The following MYO5C variants were observed in gnomAD, a reference collection of about 807,000 sequenced individuals.
MYO5C encodes the protein unconventional myosin-Vc.
In MYO5C, 194 loss-of-function variants were observed where a neutral mutation model predicts 235.7. The ratio of observed to expected loss-of-function variants is 0.82; its 90% confidence interval spans 0.73 to 0.93. The LOEUF (loss-of-function observed/expected upper bound fraction) is 0.93, where lower values mean the gene tolerates loss of function less well. Ranked by LOEUF, MYO5C falls within the 40% of genes least tolerant of loss-of-function variation. The pLI, the probability that MYO5C is intolerant of heterozygous loss-of-function variation, is 0.00. For missense variants in MYO5C, 2,038 were observed against 2,127.2 expected (o/e 0.96, Z 0.82); for synonymous variants, 707 against 754.8 (o/e 0.94, Z 1.04).
intron 5 of MYO5C, among the ~76,000 whole-genome samples, chr15:52,273,711 T>C (rs2036976228): frequency 6.6e-6 from 1 of 152,206 alleles, no homozygotes; most frequent in Non-Finnish European, 1.5e-5. Flanking sequence ...AATAAATTTC[T>C]GTTGTTTATA....
At position 52,195,962 on chromosome 15, in the gene MYO5C, C is replaced by CTTTTTTTTTTTT. The variant is rs71130140; in HGVS notation, c.4995+335_4995+346dup. 4.1e-4 allele frequency among the ~76,000 whole-genome samples: 33 copies of CTTTTTTTTTTTT among 80,980 alleles called. 4 individuals carry two copies. Among genetic ancestry groups the CTTTTTTTTTTTT allele is most frequent in the East Asian group, 2.7e-3 (4 of 1,488 alleles). 53.1% of individuals were successfully genotyped at this position (80,980 alleles called of 152,430 possible). Reference sequence around the variant, plus strand: ...CAAAGGTGTGTGCCATCACACCCAGCTTTTTTTTTTTTTTTTTTTTTTTTT... The same window carrying CTTTTTTTTTTTT: ...CAAAGGTGTGTGCCATCACACCCAGCTTTTTTTTTTTTTTTTTTTTTTTTTTTTTTTTTTTTT... On this transcript the variant is annotated intron_variant, in intron 39 of 40. Coordinates refer to ENST00000261839, the MANE Select transcript of MYO5C (RefSeq NM_018728.4).
intron 1 of MYO5C, among the ~76,000 whole-genome samples, chr15:52,289,516 C>A (rs1182784153): frequency 6.6e-6 from 1 of 152,202 alleles, no homozygotes; most frequent in Non-Finnish European, 1.5e-5. Flanking sequence ...GCCCAACAGT[C>A]ACCAGGTGCT....
chr15:52,285,699 A>C (rs2037250127), intron 1 of MYO5C, among the ~76,000 whole-genome samples: 1 of 152,232 alleles, frequency 6.6e-6, no homozygotes. Context: ...TCCAGCTCCG[A>C]ACCACGAGTG....
At chr15:52,214,576 A>G (rs778120452) in intron 33 of MYO5C, 27 bp downstream of exon 33, 2 of 1,507,758 alleles carry the variant, frequency 1.3e-6, no homozygotes, top group Non-Finnish European at 1.8e-6. Context: ...AGCTCAAAAG[A>G]ATAAGAAAAC....
intron 8 of MYO5C, among the ~76,000 whole-genome samples, chr15:52,269,468 T>C (rs1444905070): frequency 6.9e-6 from 1 of 144,946 alleles, no homozygotes. Context: ...CTCGGCTCGA[T>C]GCAACCCTCT....
rs1164261275 is a variant in MYO5C at position 52,204,986 on chromosome 15, G to C, written c.4699C>G (p.Leu1567Val). 1.2e-6 allele frequency: 2 copies of C among 1,614,226 alleles called. No homozygotes were observed. The highest frequency in any genetic ancestry group is 1.7e-6 in the Non-Finnish European group (2 of 1,180,034). Reference protein sequence around the residue: ...YFYTTMCQNGLDPELVRQAVK... With the variant: ...YFYTTMCQNGVDPELVRQAVK... ...GCCTGCCTCACAAGCTCGGGGTCCA[G>C]GCCGTTCTGGCACATGGTGGTGTAA... The change falls in exon 38 of 41, where the codon CTG becomes GTG. Residue 1567 changes from leucine to valine, a missense_variant. Transcript: ENST00000261839.
chr15:52,282,976 T>A (rs2037192214), intron 1 of MYO5C, 84 bp from the exon 2 acceptor site: 2 of 850,486 alleles, frequency 2.4e-6, no homozygotes, highest in Middle Eastern at 2.2e-4. Flanking sequence ...AAGGTTTCTT[T>A]CTGTGCACTA....
At chr15:52,258,443 G>C (rs2036625596) in intron 10 of MYO5C, among the ~76,000 whole-genome samples, 1 of 152,180 alleles carries the variant, frequency 6.6e-6, no homozygotes, top group Non-Finnish European at 1.5e-5. Context: ...CCAACTCTGG[G>C]TCCAAAGAAC....
At chr15:52,232,548 A>T in intron 24 of MYO5C, 74 bp downstream of exon 24, 1 of 1,447,342 alleles carries the variant, frequency 6.9e-7, no homozygotes, top group Non-Finnish European at 9.7e-7. Context: ...TGCTATATGC[A>T]AACTGAGATG....
chr15:52,248,085 G>GTTTT (rs911653140), intron 14 of MYO5C, among the ~76,000 whole-genome samples: 6 of 152,130 alleles, frequency 3.9e-5, no homozygotes, highest in Non-Finnish European at 7.3e-5. Context: ...CTTCTGCTTT[G>GTTTT]TATCAGTTAT....
In MYO5C at chr15:52,229,186, C is replaced by G. The variant is rs62623565; in HGVS notation, c.3154G>C (p.Val1052Leu). ...QLQHLVEGEH[V>L]TSDGLKAEVA... ...TCCGCCTTCAAGCCATCAGAAGTGACGTGCTCCCCCTCCACCAGGTGTTGG... is the reference window on the plus strand; with the variant it reads ...TCCGCCTTCAAGCCATCAGAAGTGAGGTGCTCCCCCTCCACCAGGTGTTGG... The change falls in exon 25 of 41, where the codon GTC becomes CTC. Residue 1052 changes from valine to leucine, a missense_variant. Physicochemically the swap from Val to Leu is conservative, Grantham distance 32. Coordinates refer to ENST00000261839, the MANE Select transcript of MYO5C (RefSeq NM_018728.4). The G allele has an allele frequency of 1.1e-5, 17 of 1,614,104 alleles. No homozygotes were observed. Among genetic ancestry groups the G allele is most frequent in the Non-Finnish European group, 1.3e-5 (15 of 1,180,064 alleles).
intron 37 of MYO5C, 70 bp from the exon 38 acceptor site, chr15:52,205,217 G>T: frequency 6.5e-7 from 1 of 1,532,354 alleles, no homozygotes; most frequent in Non-Finnish European, 8.9e-7. Context: ...ACGCTCTTCG[G>T]TTTGTTTCAG....
In MYO5C at chr15:52,245,463, C is replaced by G. The variant is rs765734021; in HGVS notation, c.2069G>C (p.Trp690Ser). ...RISAQSYPSR[W>S]TYIEFYSRYG... ...GCGACTGTAGAACTCGATGTATGTC[C>G]ACCTGGAAAATCAAAGGGGATCAAA... is the stretch of plus-strand genomic sequence containing the variant. Residue 690 changes from tryptophan (W) to serine (S), a missense_variant and splice_region_variant, in exon 18 of 41, where the codon TGG becomes TCG. Physicochemically the swap from Trp to Ser is radical, Grantham distance 177 (BLOSUM62 -3). Coordinates refer to ENST00000261839, the MANE Select transcript of MYO5C (RefSeq NM_018728.4). The G allele has an allele frequency of 5.6e-6, 9 of 1,611,148 alleles. No individual in the cohort carries two copies. In the Admixed American group the frequency reaches 8.3e-5, roughly 15 times the overall value.
At chr15:52,229,719 CAAGTT>C (rs2035907972) in intron 24 of MYO5C, among the ~76,000 whole-genome samples, 1 of 152,290 alleles carries the variant, frequency 6.6e-6, no homozygotes, top group African/African-American at 2.4e-5. Context: ...CAAGAGGAGA[CAAGTT>C]AATTAGAACC....
In MYO5C at chr15:52,219,837, A is replaced by T. The variant is rs768103533; in HGVS notation, c.3722-15T>A. 1.3e-6 allele frequency: 2 copies of T among 1,599,740 alleles called. No homozygotes were observed. The highest frequency in any genetic ancestry group is 1.7e-6 in the Non-Finnish European group (2 of 1,168,768). ...TTCTAGTTTTCCTATAATGAGAAGA[A>T]CTGTCAGTACTTTGGGGGGGCACAT... On this transcript the variant is annotated splice_polypyrimidine_tract_variant and intron_variant, in intron 30 of 40. Coordinates refer to ENST00000261839, the MANE Select transcript of MYO5C (RefSeq NM_018728.4).
chr15:52,255,012 A>AG lies in MYO5C; in HGVS notation c.1396-1556_1396-1555insC, dbSNP rs1434226430. ...TTATACATGAATTAATTCTGGGCCA[A>AG]AAAAAAAAAAAGAAACTTCTACTGA... On this transcript the variant is annotated intron_variant, in intron 11 of 40. Coordinates refer to ENST00000261839, the MANE Select transcript of MYO5C (RefSeq NM_018728.4). Among the ~76,000 whole-genome samples the AG allele has an allele frequency of 9.0e-5, 12 of 133,884 alleles. No individual in the cohort carries two copies. In the East Asian group the frequency reaches 2.3e-3, roughly 26 times the overall value. 87.8% of individuals were successfully genotyped at this position (133,884 alleles called of 152,430 possible).
At chr15:52,289,365 G>T (rs1475938810) in intron 1 of MYO5C, among the ~76,000 whole-genome samples, 1 of 151,924 alleles carries the variant, frequency 6.6e-6, no homozygotes, top group African/African-American at 2.4e-5. Flanking sequence ...TTGCCTCCAA[G>T]ATGTCAGCCC....
Position 52,272,628 on chromosome 15 carries a change from T to C in MYO5C, c.702A>G (p.Gly234=), listed in dbSNP as rs375461746. ...CCAGGAGGTAAGTGCTCATGTTGGC[T>C]CCTATAATTTGATTTTGTTCATCAA... ...ISFDEQNQII[G]ANMSTYLLEK... is the part of the protein sequence containing the mutation. The change falls in exon 6 of 41, where the codon GGA becomes GGG. Residue 234 remains glycine, a synonymous_variant. Transcript: ENST00000261839. 1.1e-4 allele frequency: 175 copies of C among 1,614,052 alleles called. No homozygotes were observed. The Middle Eastern group carries it at 1.2e-3, about 11-fold the overall frequency.
intron 8 of MYO5C, among the ~76,000 whole-genome samples, chr15:52,269,220 C>T (rs1200369418): frequency 6.6e-6 from 1 of 152,166 alleles, no homozygotes; most frequent in African/African-American, 2.4e-5. Context: ...CTCTCACAGC[C>T]GAGCCAGGAA....
Sources: gnomAD v4.1 joint callset for allele counts (sites outside exome capture counted in the v4.1 genomes callset) on GRCh38, gnomAD v4.1.1 for gene constraint, MANE v1.5 for transcripts, NCBI Gene and HGNC (gene_info 2026-07-23, HGNC 2026-07-21) for gene names.